Variants in CBX8 observed in about 807,000 individuals in gnomAD.
CBX8 encodes the protein chromobox protein homolog 8.
In CBX8, 8 loss-of-function variants were observed where a neutral mutation model predicts 39.7. That is an observed-to-expected ratio of 0.20 (90% confidence interval 0.12 to 0.36). CBX8 has a LOEUF of 0.36. Among genes scored for constraint, CBX8 ranks in the 10% least tolerant of loss-of-function variants. CBX8 has a pLI of 1.00. For synonymous variants in CBX8, 268 were observed against 219.8 expected (o/e 1.22, Z -1.94); for missense variants, 505 against 529.6 (o/e 0.95, Z 0.46).
Position 79,794,533 on chromosome 17 carries a change from G to A in CBX8, c.*102C>T, listed in dbSNP as rs561906072. The A allele has an allele frequency of 5.7e-6, 5 of 874,714 alleles. No individual in the cohort carries two copies. In the South Asian group the frequency reaches 7.3e-5, roughly 13 times the overall value. The allele number at this position is 874,714 out of a possible 1,614,324, so 54.2% of individuals were successfully genotyped here. ...GGGGTGGGGGTGACATCAGGGACGG[G>A]ACCAGCCAAAAGGCCACATCCCACC... On this transcript the variant is annotated 3_prime_UTR_variant, in exon 5 of 5. Coordinates refer to ENST00000269385, the MANE Select transcript of CBX8 (RefSeq NM_020649.3).
chr17:79,794,443 T>C lies in CBX8; in HGVS notation c.*192A>G, dbSNP rs1907990230. ...ACATATTTACATCTAATAGAAAATATAACTCTAGAGATAATCTTTCCAACA... is the reference window on the plus strand; with the variant it reads ...ACATATTTACATCTAATAGAAAATACAACTCTAGAGATAATCTTTCCAACA... On this transcript the variant is annotated 3_prime_UTR_variant, in exon 5 of 5. Coordinates refer to ENST00000269385, the MANE Select transcript of CBX8 (RefSeq NM_020649.3). The C allele has an allele frequency of 2.3e-6, 1 of 427,556 alleles. No homozygotes were observed. The highest frequency in any genetic ancestry group is 2.0e-5 in the African/African-American group (1 of 49,004). 26.5% of individuals were successfully genotyped at this position (427,556 alleles called of 1,614,324 possible). A position where few individuals can be genotyped will look rare whatever the true frequency, so the allele number is the denominator to read the frequency against.
Position 79,794,382 on chromosome 17 carries a change from G to C in CBX8, c.*253C>G, listed in dbSNP as rs545449596. 27 of 231,300 alleles carry C rather than the reference G, an allele frequency of 1.2e-4. No individual in the cohort carries two copies. The Admixed American group carries it at 1.4e-3, about 12-fold the overall frequency. The allele number at this position is 231,300 out of a possible 1,614,324, so 14.3% of individuals were successfully genotyped here. On this transcript the variant is annotated 3_prime_UTR_variant, in exon 5 of 5. Transcript: ENST00000269385. ...TCTCCTTTAAATAAAACAACTTCGA[G>C]TTGAAATATATATATTTAGATATTT...
In CBX8 at chr17:79,793,169, G is replaced by GCCCCGCCGCCTCGCACGGCCTT. The variant is rs1907939934; in HGVS notation, c.*1444_*1465dup. 6.6e-6 allele frequency: 1 copy of GCCCCGCCGCCTCGCACGGCCTT among 152,176 alleles called. No homozygotes were observed. The highest frequency in any genetic ancestry group is 2.4e-5 in the African/African-American group (1 of 41,434). The allele number at this position is 152,176 out of a possible 1,614,324, so 9.4% of individuals were successfully genotyped here. A position where few individuals can be genotyped will look rare whatever the true frequency, so the allele number is the denominator to read the frequency against. ...AGTCCGCCGGGCAGGGGCGTCCCAG[G>GCCCCGCCGCCTCGCACGGCCTT]CCCCGCCGCCTCGCACGGCCTTCCC... On this transcript the variant is annotated 3_prime_UTR_variant, in exon 5 of 5. Coordinates refer to ENST00000269385, the MANE Select transcript of CBX8 (RefSeq NM_020649.3).
rs373611099 is a variant in CBX8 at position 79,794,627 on chromosome 17, C to G, written c.*8G>C. 1.3e-6 allele frequency: 2 copies of G among 1,548,530 alleles called. No individual in the cohort carries two copies. The highest frequency in any genetic ancestry group is 2.5e-5 in the South Asian group (2 of 79,528). On this transcript the variant is annotated 3_prime_UTR_variant, in exon 5 of 5. Transcript: ENST00000269385. ...CCTGCTCTCCTCCTGGACACACCCA[C>G]CCAGCATTCATCTTTTCTCTTTAAA...
In CBX8 at chr17:79,795,634, C is replaced by T; in HGVS notation, c.247-76G>A. The T allele has an allele frequency of 8.5e-6, 8 of 945,596 alleles. No individual in the cohort carries two copies. The highest frequency in any genetic ancestry group is 1.8e-5 in the South Asian group (1 of 55,188). 58.6% of individuals were successfully genotyped at this position (945,596 alleles called of 1,614,324 possible). A position where few individuals can be genotyped will look rare whatever the true frequency, so the allele number is the denominator to read the frequency against. ...CACAGGACTCCTCCTCTATCCCTGA[C>T]CTCCTATCTTTACCCTATGATGCCT... On this transcript the variant is annotated intron_variant, in intron 4 of 4. Transcript: ENST00000269385. This position sits in a 1 kb window ranked among gnomAD's most constrained non-coding sequence, Gnocchi z 5.8.
In CBX8 at chr17:79,794,686, G is replaced by A. The variant is rs760918886; in HGVS notation, c.1119C>T (p.Val373=). ...VTDVTSNFLT[V]TIKESNTDQG... ...GGTCCGTGTTACTTTCCTTAATGGT[G>A]ACGGTCAAAAAGTTTGAGGTCACGT... Residue 373 remains valine, a synonymous_variant, in exon 5 of 5, where the codon GTC becomes GTT. Transcript: ENST00000269385. 1.4e-5 allele frequency: 22 copies of A among 1,596,224 alleles called. No individual in the cohort carries two copies. Among genetic ancestry groups the A allele is most frequent in the Non-Finnish European group, 1.9e-5 (22 of 1,174,720 alleles).
chr17:79,797,030 C>T lies in CBX8; in HGVS notation c.-32G>A. On this transcript the variant is annotated 5_prime_UTR_variant, in exon 1 of 5. Transcript: ENST00000269385. ...TCGCCGCTTCCCCCCTTGGCCGCTT[C>T]CAGGAGCAGAAAAGCAGCAGCCAGC... 4.4e-6 allele frequency: 7 copies of T among 1,597,778 alleles called. No individual in the cohort carries two copies. In the South Asian group the frequency reaches 7.9e-5, roughly 18 times the overall value.
rs1289075340 is a variant in CBX8 at position 79,795,108 on chromosome 17, C to A, written c.697G>T (p.Asp233Tyr). Reference sequence around the variant, plus strand: ...AACTTTCCTGCCCCGGAAGGGGTGTCGTCCAGCTTCCTGCCCTTGAGGTAC... The same window carrying A: ...AACTTTCCTGCCCCGGAAGGGGTGTAGTCCAGCTTCCTGCCCTTGAGGTAC... ...GEYLKGRKLD[D>Y]TPSGAGKFPA... The change falls in exon 5 of 5, where the codon GAC becomes TAC. Residue 233 changes from aspartate to tyrosine, a missense_variant. Coordinates refer to ENST00000269385, the MANE Select transcript of CBX8 (RefSeq NM_020649.3). This position sits in a 1 kb window ranked among gnomAD's most constrained non-coding sequence, Gnocchi z 5.8. 1.2e-6 allele frequency: 2 copies of A among 1,612,788 alleles called. No individual in the cohort carries two copies. The highest frequency in any genetic ancestry group is 1.7e-6 in the Non-Finnish European group (2 of 1,179,616).
Position 79,795,669 on chromosome 17 carries a change from T to C in CBX8, c.247-111A>G, listed in dbSNP as rs1378605812. The C allele has an allele frequency of 1.0e-5, 2 of 200,242 alleles. No individual in the cohort carries two copies. Among genetic ancestry groups the C allele is most frequent in the Non-Finnish European group, 1.7e-5 (2 of 120,346 alleles). The allele number at this position is 200,242 out of a possible 1,614,324, so 12.4% of individuals were successfully genotyped here. ...TTACCCTATGATGCCTGGGAATTTC[T>C]ACATGGATGCATGGATGGGTGGGTG... On this transcript the variant is annotated intron_variant, in intron 4 of 4. Transcript: ENST00000269385. This position sits in a 1 kb window ranked among gnomAD's most constrained non-coding sequence, Gnocchi z 5.8.
chr17:79,795,539 G>C lies in CBX8; in HGVS notation c.266C>G (p.Ala89Gly), dbSNP rs751127324. 7.9e-6 allele frequency: 12 copies of C among 1,528,030 alleles called. No homozygotes were observed. The highest frequency in any genetic ancestry group is 3.5e-4 in the Middle Eastern group (2 of 5,640). 94.7% of individuals were successfully genotyped at this position (1,528,030 alleles called of 1,614,324 possible). The change falls in exon 5 of 5, where the codon GCC (alanine) becomes GGC (glycine). Residue 89 changes from alanine (A) to glycine (G), a missense_variant. Transcript: ENST00000269385. This position sits in a 1 kb window ranked among gnomAD's most constrained non-coding sequence, Gnocchi z 5.8. ...GTCACTTCGAAACTCGTAAGTTTTGGCCTTTGCCTTGGCCTGCGCCTGCAG... is the reference window on the plus strand; with the variant it reads ...GTCACTTCGAAACTCGTAAGTTTTGCCCTTTGCCTTGGCCTGCGCCTGCAG... ...FLLKAQAKAK[A>G]KTYEFRSDSA...
In CBX8 at chr17:79,797,004, C is replaced by T. The variant is rs1908122084; in HGVS notation, c.-6G>A. 1.2e-6 allele frequency: 2 copies of T among 1,608,500 alleles called. No homozygotes were observed. The highest frequency in any genetic ancestry group is 1.7e-6 in the Non-Finnish European group (2 of 1,178,076). On this transcript the variant is annotated 5_prime_UTR_variant, in exon 1 of 5. Transcript: ENST00000269385. ...CCCACCGCTGAAAGCTCCATGTTGA[C>T]TCGCCGCTTCCCCCCTTGGCCGCTT... is the stretch of plus-strand genomic sequence containing the variant.
rs779585162 is a variant in CBX8 at position 79,794,800 on chromosome 17, G to A, written c.1005C>T (p.Ala335=). Residue 335 remains alanine (A), a synonymous_variant, in exon 5 of 5, where the codon GCC becomes GCT. Coordinates refer to ENST00000269385, the MANE Select transcript of CBX8 (RefSeq NM_020649.3). ...GAQGGRPSLI[A]RIPVARILGD... is the part of the protein sequence containing the mutation. The stretch of plus-strand genomic sequence containing the variant: ...CCAGGATTCTGGCCACAGGGATCCT[G>A]GCGATGAGGGAGGGCCTTCCCCCCT... 3 of 1,612,722 alleles carry A rather than the reference G, an allele frequency of 1.9e-6. No homozygotes were observed. Among genetic ancestry groups the A allele is most frequent in the Admixed American group, 3.3e-5 (2 of 59,864 alleles).
In CBX8 at chr17:79,796,922, G is replaced by A. The variant is rs769292353; in HGVS notation, c.69+8C>T. 7 of 1,603,302 alleles carry A rather than the reference G, an allele frequency of 4.4e-6. No homozygotes were observed. Among genetic ancestry groups the A allele is most frequent in the Non-Finnish European group, 6.0e-6 (7 of 1,175,988 alleles). ...CCGCACGGAGGCCCTAGGCCCGGGG[G>A]CACCTACTTTCCGTATGCGCCGCTT... On this transcript the variant is annotated splice_region_variant and intron_variant, in intron 1 of 4. Coordinates refer to ENST00000269385, the MANE Select transcript of CBX8 (RefSeq NM_020649.3).
chr17:79,796,664 C>T, intron 1 of CBX8, 124 bp from the exon 2 acceptor site: 3 of 1,085,428 alleles, frequency 2.8e-6, no homozygotes, highest in Non-Finnish European at 4.2e-6. Flanking sequence ...AGGCACGCGC[C>T]CGCTGCATCA....
chr17:79,794,832 C>T lies in CBX8; in HGVS notation c.973G>A (p.Gly325Arg). 6.2e-7 allele frequency: 1 copy of T among 1,609,686 alleles called. No individual in the cohort carries two copies. Among genetic ancestry groups the T allele is most frequent in the Non-Finnish European group, 8.5e-7 (1 of 1,178,384 alleles). The change falls in exon 5 of 5, where the codon GGG becomes AGG. Residue 325 changes from glycine to arginine, a missense_variant. This residue lies in a region of CBX8 where 456 missense variants were observed against 389.2 expected (regional missense o/e 1.17). Coordinates refer to ENST00000269385, the MANE Select transcript of CBX8 (RefSeq NM_020649.3). ...AGGGAGGGCCTTCCCCCCTGGGCCCCCATGTCCCGGTACAGGCCCCCCCCA... is the reference window on the plus strand; with the variant it reads ...AGGGAGGGCCTTCCCCCCTGGGCCCTCATGTCCCGGTACAGGCCCCCCCCA... ...SSGGGLYRDM[G>R]AQGGRPSLIA...
chr17:79,794,668 G>C lies in CBX8; in HGVS notation c.1137C>G (p.Asn379Lys). The change falls in exon 5 of 5, where the codon AAC becomes AAG. Residue 379 changes from asparagine to lysine, a missense_variant. Transcript: ENST00000269385. ...NFLTVTIKES[N>K]TDQGFFKEKR ...TCTCTTTAAAAAAGCCTTGGTCCGT[G>C]TTACTTTCCTTAATGGTGACGGTCA... 3.8e-6 allele frequency: 6 copies of C among 1,589,124 alleles called. No individual in the cohort carries two copies. Among genetic ancestry groups the C allele is most frequent in the Non-Finnish European group, 4.3e-6 (5 of 1,171,550 alleles).
chr17:79,795,342 C>T lies in CBX8; in HGVS notation c.463G>A (p.Asp155Asn). 6.3e-7 allele frequency: 1 copy of T among 1,589,034 alleles called. No individual in the cohort carries two copies. The highest frequency in any genetic ancestry group is 2.3e-5 in the East Asian group (1 of 43,890). The part of the protein sequence containing the change: ...EAPRDRDRDR[D>N]RDRERDRERE... Reference sequence around the variant, plus strand: ...TCTCGATCCCGCTCCCGGTCCCTATCCCGGTCTCGGTCCCGGTCCCGAGGG... The same window carrying T: ...TCTCGATCCCGCTCCCGGTCCCTATTCCGGTCTCGGTCCCGGTCCCGAGGG... Residue 155 changes from aspartate to asparagine, a missense_variant, in exon 5 of 5, where the codon GAT becomes AAT. Physicochemically the swap from Asp to Asn is conservative, Grantham distance 23 (BLOSUM62 1). Around this residue, in one of 3 missense-constraint regions of CBX8, gnomAD observed 456 missense variants for 389.2 expected, o/e 1.17. Coordinates refer to ENST00000269385, the MANE Select transcript of CBX8 (RefSeq NM_020649.3). This position sits in a 1 kb window ranked among gnomAD's most constrained non-coding sequence, Gnocchi z 5.8.
rs530952829 is a variant in CBX8 at position 79,794,851 on chromosome 17, C to T, written c.954G>A (p.Gly318=). ...RHGSGPPSSG[G]GLYRDMGAQG... ...GGGCCCCCATGTCCCGGTACAGGCC[C>T]CCCCCAGAGCTGGGGGGGCCTGAGC... is the stretch of plus-strand genomic sequence containing the variant. Residue 318 remains glycine, a synonymous_variant, in exon 5 of 5, where the codon GGG becomes GGA. Transcript: ENST00000269385. 3.1e-6 allele frequency: 5 copies of T among 1,608,692 alleles called. No homozygotes were observed. In the East Asian group the frequency reaches 6.7e-5, roughly 22 times the overall value.
rs567277917 is a variant in CBX8, at chr17:79,796,463, G to A, written c.113+34C>T. On this transcript the variant is annotated intron_variant, in intron 2 of 4. Transcript: ENST00000269385. ...GAAGAAAGAAACCTCCCGAATAACA[G>A]TCTGGGGTTGAGAATTGCATATAAC... is the stretch of plus-strand genomic sequence containing the variant. The A allele has an allele frequency of 3.7e-6, 6 of 1,613,486 alleles. No homozygotes were observed. The East Asian group carries it at 6.7e-5, about 18-fold the overall frequency.
Sources: allele counts gnomAD v4.1 joint callset, GRCh38; gene constraint gnomAD v4.1.1; regional missense constraint gnomAD v4.1.1; non-coding constraint Gnocchi (gnomAD v3.1); transcripts MANE v1.5; gene names NCBI Gene and HGNC (gene_info 2026-07-23, HGNC 2026-07-21).